The following KAT6B variants were observed in gnomAD, a reference collection of about 807,000 sequenced individuals.
KAT6B encodes the protein lysine acetyltransferase 6B, also known as histone acetyltransferase KAT6B.
KAT6B carries 10 observed loss-of-function variants against 187.5 expected under a neutral mutation model. The observed-to-expected ratio is 0.05, with a 90% CI of 0.03 to 0.09. The LOEUF (loss-of-function observed/expected upper bound fraction) is 0.09. Among genes scored for constraint, KAT6B ranks in the 10% least tolerant of loss-of-function variants. KAT6B has a pLI of 1.00. For missense variants in KAT6B, 1,952 were observed against 2,558.9 expected (o/e 0.76, Z 5.12); for synonymous variants, 861 against 926.8 (o/e 0.93, Z 1.29).
At chr10:74,911,379 G>A (rs1847192561) in intron 3 of KAT6B, among the ~76,000 whole-genome samples, 1 of 150,960 alleles carries the variant, frequency 6.6e-6, no homozygotes, top group Non-Finnish European at 1.5e-5. Context: ...CGATTCTCCT[G>A]CCTCAGCTTC....
At chr10:74,924,524 C>A (rs529068548) in intron 3 of KAT6B, among the ~76,000 whole-genome samples, 13 of 152,258 alleles carry the variant, frequency 8.5e-5, no homozygotes, top group African/African-American at 3.1e-4. Flanking sequence ...GACTAAATAC[C>A]ATGTTACAAG....
intron 3 of KAT6B, among the ~76,000 whole-genome samples, chr10:74,865,175 C>T (rs1238909346): frequency 6.6e-6 from 1 of 152,064 alleles, no homozygotes; most frequent in Non-Finnish European, 1.5e-5. Flanking sequence ...TATTCAATAA[C>T]AAAAATGAGC....
At chr10:75,027,162 C>T (rs1385446554) in intron 17 of KAT6B, among the ~76,000 whole-genome samples, 1 of 152,052 alleles carries the variant, frequency 6.6e-6, no homozygotes, top group Non-Finnish European at 1.5e-5. Context: ...ATGTGGAATC[C>T]GGGGGCACTG....
chr10:74,892,726 G>T (rs1845723305), intron 3 of KAT6B, among the ~76,000 whole-genome samples: 1 of 152,138 alleles, frequency 6.6e-6, no homozygotes, highest in Non-Finnish European at 1.5e-5. Flanking sequence ...ATTCAAGAGG[G>T]TAGATTGACA....
chr10:75,023,757 A>C (rs985251485), intron 16 of KAT6B: 1 of 152,182 alleles, frequency 6.6e-6, no homozygotes, highest in Non-Finnish European at 1.5e-5. Flanking sequence ...TATAATCCCC[A>C]CACTTTGGGA....
intron 3 of KAT6B, among the ~76,000 whole-genome samples, chr10:74,937,070 G>A (rs1207811287): frequency 6.6e-6 from 1 of 152,118 alleles, no homozygotes; most frequent in East Asian, 1.9e-4. Flanking sequence ...TGATTAATTG[G>A]CCTATCCAAG....
chr10:74,920,433 A>G (rs1564564719), intron 3 of KAT6B, among the ~76,000 whole-genome samples: 2 of 152,068 alleles, frequency 1.3e-5, no homozygotes, highest in Non-Finnish European at 2.9e-5. Flanking sequence ...TACCTCTTGG[A>G]CTTCCTGTCC....
chr10:74,972,382 A>AT, intron 6 of KAT6B, 125 bp from the exon 7 acceptor site: 1 of 706,984 alleles, frequency 1.4e-6, no homozygotes. Flanking sequence ...GGAATGACGC[A>AT]TTTTTTGGAG....
rs781189626 is a variant in KAT6B at position 74,981,944 on chromosome 10, TA to T, written c.2373+23del. On this transcript the variant is annotated intron_variant, in intron 11 of 17. Transcript: ENST00000287239. ...AGTATTTGAGGTAAGCGCGTGTAAA[TA>T]AAAAAATTCAGCTTTTTGAAATCTA... is the stretch of plus-strand genomic sequence containing the variant. The T allele has an allele frequency of 1.8e-5, 29 of 1,612,582 alleles. No homozygotes were observed. The highest frequency in any genetic ancestry group is 2.3e-5 in the Non-Finnish European group (27 of 1,179,136).
chr10:74,837,835 T>C (rs1031485908), intron 1 of KAT6B, among the ~76,000 whole-genome samples: 2 of 144,784 alleles, frequency 1.4e-5, no homozygotes, highest in African/African-American at 5.6e-5. Context: ...TTTGTTCCTC[T>C]CCTAGCTGTG....
chr10:74,915,564 T>C (rs76182121), intron 3 of KAT6B, among the ~76,000 whole-genome samples: 77 of 152,348 alleles, frequency 5.1e-4, no homozygotes, highest in African/African-American at 1.6e-3. Flanking sequence ...TATTGTCTCA[T>C]TGTAAACCCC....
chr10:74,965,546 C>G (rs185126605), intron 4 of KAT6B, among the ~76,000 whole-genome samples: 1 of 152,256 alleles, frequency 6.6e-6, no homozygotes, highest in Admixed American at 6.5e-5. Flanking sequence ...GGCTTAGTGT[C>G]TGAGTCGTTA....
chr10:75,027,612 T>C (rs1200150685), intron 17 of KAT6B, among the ~76,000 whole-genome samples: 3 of 151,894 alleles, frequency 2.0e-5, no homozygotes, highest in African/African-American at 7.2e-5. Flanking sequence ...TGTATATAGC[T>C]ATTCATCTGC....
In KAT6B at chr10:74,975,917, G is replaced by A. The variant is rs1842129238; in HGVS notation, c.1580G>A (p.Ser527Asn). The change falls in exon 8 of 18, where the codon AGT becomes AAT. Residue 527 changes from serine (S) to asparagine (N), a missense_variant. Ser to Asn is a conservative substitution (Grantham distance 46). Coordinates refer to ENST00000287239, the MANE Select transcript of KAT6B (RefSeq NM_012330.4). ...PSPQSSSSQC[S>N]VPSLSSLTTN... The stretch of plus-strand genomic sequence containing the variant: ...CCCCAGAGTTCTTCCAGCCAGTGCA[G>A]TGTGCCCTCCCTGAGCAGCCTTACC... The A allele has an allele frequency of 1.9e-6, 3 of 1,614,012 alleles. No individual in the cohort carries two copies. The highest frequency in any genetic ancestry group is 1.3e-5 in the African/African-American group (1 of 74,904).
At position 75,016,675 on chromosome 10, in the gene KAT6B, T is replaced by C. The variant is rs193102678; in HGVS notation, c.2630-3907T>C. On this transcript the variant is annotated intron_variant, in intron 13 of 17. Transcript: ENST00000287239. Reference sequence around the variant, plus strand: ...ATACTGCAGCTACTGGGATTTGTCCTCCAAACATCACTTTGTTTTCCATCT... The same window carrying C: ...ATACTGCAGCTACTGGGATTTGTCCCCCAAACATCACTTTGTTTTCCATCT... Among the ~76,000 whole-genome samples, 72 of 152,328 alleles carry C rather than the reference T, an allele frequency of 4.7e-4. 1 individual carries two copies. Among genetic ancestry groups the C allele is most frequent in the African/African-American group, 1.7e-3 (70 of 41,574 alleles).
At chr10:74,849,839 GGT>G (rs1259634454) in intron 3 of KAT6B, among the ~76,000 whole-genome samples, 5 of 152,106 alleles carry the variant, frequency 3.3e-5, no homozygotes, top group Non-Finnish European at 7.4e-5. Flanking sequence ...ATTTGCCCAA[GGT>G]CACTGATAGA....
chr10:75,021,135 CATT>C lies in KAT6B; in HGVS notation c.2873_2875del (p.Ile958del). The C allele has an allele frequency of 6.2e-7, 1 of 1,613,924 alleles. No homozygotes were observed. Among genetic ancestry groups the C allele is most frequent in the Non-Finnish European group, 8.5e-7 (1 of 1,179,846 alleles). ...CCTTATCACATTACAGATTTGTCATCATTAGACGGGAAAAGTTGATATTGAGCC... is the reference window on the plus strand; with the variant it reads ...CCTTATCACATTACAGATTTGTCATCAGACGGGAAAAGTTGATATTGAGCC... On this transcript the variant is annotated inframe_deletion, in exon 15 of 18. Transcript: ENST00000287239.
At chr10:74,892,618 G>A (rs1026941459) in intron 3 of KAT6B, among the ~76,000 whole-genome samples, 6 of 152,112 alleles carry the variant, frequency 3.9e-5, no homozygotes, top group Non-Finnish European at 8.8e-5. Context: ...TAGGGGTAGG[G>A]AGCTCTTGCC....
rs1845122996 is a variant in KAT6B, at chr10:74,884,905, A to G, written c.621+41427A>G. On this transcript the variant is annotated intron_variant, in intron 3 of 17. Coordinates refer to ENST00000287239, the MANE Select transcript of KAT6B (RefSeq NM_012330.4). ...TTTTTAATGCATTTGGAGCAGCGCT[A>G]TCCTAAAGAACCTTCTTTGATGATG... Among the ~76,000 whole-genome samples, 3 of 152,234 alleles carry G rather than the reference A, an allele frequency of 2.0e-5. 1 individual carries two copies. The highest frequency in any genetic ancestry group is 2.0e-4 in the Admixed American group (3 of 15,284).
Sources: allele counts gnomAD v4.1 joint callset (sites outside exome capture counted in the v4.1 genomes callset), GRCh38; gene constraint gnomAD v4.1.1; transcripts MANE v1.5; gene names NCBI Gene and HGNC (gene_info 2026-07-23, HGNC 2026-07-21).